Variants in DLGAP4 observed in about 807,000 individuals in gnomAD.
DLGAP4 encodes disks large-associated protein 4.
A neutral mutation model predicts 86.9 loss-of-function variants in DLGAP4; 18 were observed. The ratio of observed to expected loss-of-function variants is 0.21; its 90% CI spans 0.14 to 0.31. DLGAP4 has a LOEUF of 0.31. DLGAP4 is among the 10% of genes least tolerant of loss of function. The pLI is 1.00. For synonymous variants in DLGAP4, 548 were observed against 574.3 expected, an observed-to-expected ratio of 0.95 and a Z score of 0.65; for missense variants, 1,085 against 1,362.6, an observed-to-expected ratio of 0.80 and a Z score of 3.21.
chr20:36,417,868 T>A (rs1295455537), intron 2 of DLGAP4, among the ~76,000 whole-genome samples: 2 of 152,012 alleles, frequency 1.3e-5, no homozygotes, highest in Non-Finnish European at 2.9e-5. Flanking sequence ...CACTGAAACC[T>A]CCACCTCCCA....
At chr20:36,468,929 A>G (rs1366463733) in intron 7 of DLGAP4, among the ~76,000 whole-genome samples, 1 of 152,096 alleles carries the variant, frequency 6.6e-6, no homozygotes, top group African/African-American at 2.4e-5. Context: ...ATTCTCCCGT[A>G]TATTCATTCT....
chr20:36,460,475 C>T (rs980988401), intron 7 of DLGAP4, among the ~76,000 whole-genome samples: 2 of 152,216 alleles, frequency 1.3e-5, no homozygotes, highest in Non-Finnish European at 2.9e-5. Flanking sequence ...GTATTGGAAA[C>T]ACTATCATCT....
At chr20:36,325,610 G>A (rs1347986249) in intron 1 of DLGAP4, among the ~76,000 whole-genome samples, 1 of 151,656 alleles carries the variant, frequency 6.6e-6, no homozygotes, top group Non-Finnish European at 1.5e-5. Context: ...TTTGCTTTAT[G>A]TATTTTAAAG....
intron 7 of DLGAP4, among the ~76,000 whole-genome samples, chr20:36,487,886 G>C (rs2035484747): frequency 6.6e-6 from 1 of 152,072 alleles, no homozygotes; most frequent in Non-Finnish European, 1.5e-5. Flanking sequence ...TATTTTTATG[G>C]GTAAAACAAC....
At chr20:36,318,102 C>CCACA (rs1343261250) in intron 1 of DLGAP4, among the ~76,000 whole-genome samples, 10 of 117,226 alleles carry the variant, frequency 8.5e-5, no homozygotes, top group East Asian at 2.4e-4. Flanking sequence ...ATAAATGTGT[C>CCACA]CTCTCACACA....
intron 6 of DLGAP4, 120 bp from the exon 7 acceptor site, chr20:36,446,577 G>T: frequency 4.6e-6 from 4 of 864,712 alleles, no homozygotes; most frequent in Non-Finnish European, 7.1e-6. Context: ...GATGGACAGG[G>T]GTGGGCTGAG....
At chr20:36,437,938 C>T (rs1215946661) in intron 4 of DLGAP4, among the ~76,000 whole-genome samples, 2 of 152,122 alleles carry the variant, frequency 1.3e-5, no homozygotes, top group Non-Finnish European at 2.9e-5. Flanking sequence ...AACAGGGTCT[C>T]GCTATGTCGC....
Position 36,526,827 on chromosome 20 carries a change from AC to A in DLGAP4, c.2780del (p.Pro927LeufsTer14). 6.2e-7 allele frequency: 1 copy of A among 1,601,546 alleles called. No homozygotes were observed. Among genetic ancestry groups the A allele is most frequent in the Non-Finnish European group, 8.5e-7 (1 of 1,176,136 alleles). On this transcript the variant is annotated frameshift_variant, in exon 13 of 13. Transcript: ENST00000339266. LOFTEE classifies it high-confidence loss of function. ...TCTCACTAAAGGAAGAGAAGAAACC[AC>A]CCCCTCCGGTCCCAAAGAAGCCAGC... is the stretch of plus-strand genomic sequence containing the variant. ...PEKRKEEKKPPPPVPKKPAKS... is the reference protein window; with the variant it reads ...PEKRKEEKKPXPPVPKKPAKS...
Position 36,527,092 on chromosome 20 carries a change from CG to C in DLGAP4, c.*63del. ...TAAAAACACAAAAACTAAGTGCGAA[CG>C]GAACAGAGTTTTCTCAACCTTTGCT... On this transcript the variant is annotated 3_prime_UTR_variant, in exon 13 of 13. Transcript: ENST00000339266. The C allele has an allele frequency of 6.8e-7, 1 of 1,474,614 alleles. No individual in the cohort carries two copies. Among genetic ancestry groups the C allele is most frequent in the Non-Finnish European group, 9.1e-7 (1 of 1,094,218 alleles). The allele number at this position is 1,474,614 out of a possible 1,614,324, so 91.3% of individuals were successfully genotyped here. A position where few individuals can be genotyped will look rare whatever the true frequency, so the allele number is the denominator to read the frequency against.
intron 7 of DLGAP4, among the ~76,000 whole-genome samples, chr20:36,471,969 G>A (rs1248875776): frequency 6.6e-6 from 1 of 152,156 alleles, no homozygotes; most frequent in Admixed American, 6.5e-5. Flanking sequence ...GAGACCTCTA[G>A]AACCTGTGCA....
intron 8 of DLGAP4, chr20:36,498,872 G>A (rs1281945261): frequency 2.3e-5 from 5 of 219,462 alleles, no homozygotes; most frequent in Non-Finnish European, 3.6e-5. Context: ...CTGTTGTCCT[G>A]TTCCACTTCA....
chr20:36,525,788 G>T, intron 11 of DLGAP4, 63 bp from the exon 12 acceptor site: 3 of 1,596,220 alleles, frequency 1.9e-6, no homozygotes, highest in Non-Finnish European at 2.6e-6. Context: ...CTTGTTGGGG[G>T]GTTGGGGGGA....
At chr20:36,503,119 G>A (rs369113335) in intron 10 of DLGAP4, among the ~76,000 whole-genome samples, 1 of 152,164 alleles carries the variant, frequency 6.6e-6, no homozygotes, top group South Asian at 2.1e-4. Flanking sequence ...TACCTGCTGT[G>A]TGGATCCTCA....
intron 5 of DLGAP4, among the ~76,000 whole-genome samples, chr20:36,441,370 C>A (rs904315902): frequency 2.0e-5 from 3 of 152,204 alleles, no homozygotes; most frequent in Admixed American, 2.0e-4. Context: ...ACAGCTGGCT[C>A]CTCCTGGCGT....
chr20:36,376,526 G>A (rs1053801248), intron 2 of DLGAP4, among the ~76,000 whole-genome samples: 1 of 152,246 alleles, frequency 6.6e-6, no homozygotes, highest in East Asian at 1.9e-4. Context: ...CTGGTCTTGG[G>A]GGTGACAGCA....
rs540094340 is a variant in DLGAP4 at position 36,500,009 on chromosome 20, G to A, written c.2100-190G>A. ...CTCGTGTGTGTGTGCGTGTGGGCTT[G>A]GGCGGGATGGGGCAAGGGCTGAGCC... On this transcript the variant is annotated intron_variant, in intron 9 of 12. Coordinates refer to ENST00000339266, the MANE Select transcript of DLGAP4 (RefSeq NM_001365621.2). The surrounding 1 kb of genome is among the most constrained non-coding windows in gnomAD (Gnocchi z 4.6). 1.8e-4 allele frequency among the ~76,000 whole-genome samples: 27 copies of A among 152,338 alleles called. No individual in the cohort carries two copies. The highest frequency in any genetic ancestry group is 5.5e-4 in the African/African-American group (23 of 41,576).
intron 1 of DLGAP4, among the ~76,000 whole-genome samples, chr20:36,366,030 G>T (rs1020300828): frequency 1.3e-5 from 2 of 152,198 alleles, no homozygotes; most frequent in Non-Finnish European, 2.9e-5. Context: ...CTCCAGGGCA[G>T]CCAAAAGGCT....
chr20:36,409,226 C>T (rs1189058203), intron 2 of DLGAP4, among the ~76,000 whole-genome samples: 3 of 151,830 alleles, frequency 2.0e-5, no homozygotes, highest in East Asian at 1.9e-4. Context: ...TTAGTAGAGG[C>T]GGAGTTTTGC....
chr20:36,499,776 T>C, intron 9 of DLGAP4, 100 bp downstream of exon 9: 1 of 1,193,994 alleles, frequency 8.4e-7, no homozygotes, highest in South Asian at 1.3e-5. Context: ...TTGCTGGATT[T>C]CTAATAACCA....
Sources: gnomAD v4.1 joint callset for allele counts (sites outside exome capture counted in the v4.1 genomes callset) on GRCh38, gnomAD v4.1.1 for gene constraint, Gnocchi (gnomAD v3.1) non-coding constraint, MANE v1.5 for transcripts, NCBI Gene and HGNC (gene_info 2026-07-23, HGNC 2026-07-21) for gene names.